The following LAMC1 variants were observed in gnomAD, a reference collection of about 807,000 sequenced individuals.
LAMC1 encodes the protein laminin subunit gamma 1.
Under a neutral mutation model 173.6 loss-of-function variants are expected in LAMC1, and 38 were observed. The observed-to-expected ratio is 0.22, with a 90% CI of 0.17 to 0.29. The LOEUF (loss-of-function observed/expected upper bound fraction) is 0.29, where lower values mean the gene tolerates loss of function less well. Among genes scored for constraint, LAMC1 ranks in the 10% least tolerant of loss-of-function variants. The pLI is 1.00. For missense variants in LAMC1, 1,824 were observed against 2,051.8 expected, an observed-to-expected ratio of 0.89 and a Z score of 2.14; for synonymous variants, 746 against 749.1, an observed-to-expected ratio of 1.00 and a Z score of 0.07.
intron 3 of LAMC1, 68 bp downstream of exon 3, chr1:183,108,474 T>C: frequency 7.1e-7 from 1 of 1,405,494 alleles, no homozygotes; most frequent in Non-Finnish European, 9.9e-7. Flanking sequence ...TCTAGCAACT[T>C]GTTTACAACT....
chr1:183,047,926 T>A (rs1654307427), intron 1 of LAMC1, among the ~76,000 whole-genome samples: 1 of 152,210 alleles, frequency 6.6e-6, no homozygotes, highest in Non-Finnish European at 1.5e-5. Context: ...AACCACCATG[T>A]ATATAAATAT....
chr1:183,102,023 C>G (rs1558048335), intron 1 of LAMC1, among the ~76,000 whole-genome samples: 1 of 152,312 alleles, frequency 6.6e-6, no homozygotes, highest in East Asian at 1.9e-4. Flanking sequence ...CCAGATCCAG[C>G]AGCAGGACAG....
chr1:183,064,845 A>G (rs533209353), intron 1 of LAMC1, among the ~76,000 whole-genome samples: 25 of 152,310 alleles, frequency 1.6e-4, no homozygotes, highest in Admixed American at 1.4e-3. Flanking sequence ...GTTTAGGGTC[A>G]TATGTGGCTG....
At chr1:183,101,722 G>A (rs145461903) in intron 1 of LAMC1, among the ~76,000 whole-genome samples, 1 of 152,114 alleles carries the variant, frequency 6.6e-6, no homozygotes, top group Non-Finnish European at 1.5e-5. Flanking sequence ...GGTTAGTAAA[G>A]GAGGGAGTCA....
chr1:183,070,756 G>C (rs1428036262), intron 1 of LAMC1, among the ~76,000 whole-genome samples: 5 of 151,958 alleles, frequency 3.3e-5, no homozygotes, highest in African/African-American at 1.2e-4. Context: ...GGAGTTCTCA[G>C]TTCCCCTTGT....
rs1397149176 is a variant in LAMC1 at position 183,143,827 on chromosome 1, C to T, written c.*1037C>T. The T allele has an allele frequency of 2.6e-5, 4 of 152,156 alleles. No individual in the cohort carries two copies. 9.4% of individuals were successfully genotyped at this position (152,156 alleles called of 1,614,324 possible). ...CTTGTACTGTCAGAATCCCGTGTATCCATTTGTTCTTCTGTTGGAGAGATG... is the reference window on the plus strand; with the variant it reads ...CTTGTACTGTCAGAATCCCGTGTATTCATTTGTTCTTCTGTTGGAGAGATG... On this transcript the variant is annotated 3_prime_UTR_variant, in exon 28 of 28. Transcript: ENST00000258341.
At chr1:183,067,622 G>A (rs1372454395) in intron 1 of LAMC1, among the ~76,000 whole-genome samples, 2 of 151,982 alleles carry the variant, frequency 1.3e-5, no homozygotes, top group African/African-American at 4.8e-5. Context: ...CTGAGTAGCT[G>A]GGACTACAAG....
chr1:183,050,468 G>A (rs747788151), intron 1 of LAMC1, among the ~76,000 whole-genome samples: 5 of 149,478 alleles, frequency 3.3e-5, no homozygotes, highest in Non-Finnish European at 5.9e-5. Context: ...ATTTTTAGTA[G>A]AGAAGGGGTT....
chr1:183,056,890 C>T (rs1478240550), intron 1 of LAMC1, among the ~76,000 whole-genome samples: 1 of 152,190 alleles, frequency 6.6e-6, no homozygotes, highest in African/African-American at 2.4e-5. Flanking sequence ...GTACTCTGCT[C>T]AGAAGGTGTA....
At position 183,140,269 on chromosome 1, in the gene LAMC1, A is replaced by G. The variant is rs1384425457; in HGVS notation, c.4474-135A>G. 1.1e-5 allele frequency: 5 copies of G among 462,716 alleles called. No individual in the cohort carries two copies. In the East Asian group the frequency reaches 1.2e-4, roughly 11 times the overall value. The allele number at this position is 462,716 out of a possible 1,614,324, so 28.7% of individuals were successfully genotyped here. ...CCAAAAAAAAAAAAAAAAAAAAGCA[A>G]TGAGAGGTTTCAATTTCCTAAGTTA... is the stretch of plus-strand genomic sequence containing the variant. On this transcript the variant is annotated intron_variant, in intron 26 of 27. Coordinates refer to ENST00000258341, the MANE Select transcript of LAMC1 (RefSeq NM_002293.4).
intron 1 of LAMC1, among the ~76,000 whole-genome samples, chr1:183,043,113 T>C (rs192090611): frequency 1.3e-5 from 2 of 152,324 alleles, no homozygotes; most frequent in Admixed American, 1.3e-4. Context: ...TGCGAGTTCA[T>C]TGAAGGCAGC....
intron 1 of LAMC1, among the ~76,000 whole-genome samples, chr1:183,027,865 G>C (rs1306398868): frequency 6.6e-6 from 1 of 152,098 alleles, no homozygotes; most frequent in African/African-American, 2.4e-5. Context: ...ACTATGTCAG[G>C]GAATAGCTCA....
chr1:183,091,505 C>T (rs1655565349), intron 1 of LAMC1, among the ~76,000 whole-genome samples: 1 of 152,084 alleles, frequency 6.6e-6, no homozygotes, highest in Non-Finnish European at 1.5e-5. Flanking sequence ...TCCTCTTCCT[C>T]CTTCCCCTCC....
intron 1 of LAMC1, among the ~76,000 whole-genome samples, chr1:183,091,511 C>G (rs1655565565): frequency 6.6e-6 from 1 of 152,052 alleles, no homozygotes; most frequent in Admixed American, 6.6e-5. Flanking sequence ...TCCTCCTTCC[C>G]CTCCCTCTCT....
At position 183,118,149 on chromosome 1, in the gene LAMC1, A is replaced by G. The variant is rs2102086107; in HGVS notation, c.1990+3A>G. On this transcript the variant is annotated splice_donor_region_variant and intron_variant, in intron 11 of 27. Coordinates refer to ENST00000258341, the MANE Select transcript of LAMC1 (RefSeq NM_002293.4). ...ACGTGGGACATACAGTGAGAGAAGT[A>G]AGTTATGATATAATTTAGGAGAGTT... The G allele has an allele frequency of 4.8e-6, 7 of 1,465,560 alleles. No homozygotes were observed. The highest frequency in any genetic ancestry group is 5.7e-6 in the Non-Finnish European group (6 of 1,047,522). The allele number at this position is 1,465,560 out of a possible 1,614,324, so 90.8% of individuals were successfully genotyped here.
intron 1 of LAMC1, among the ~76,000 whole-genome samples, chr1:183,037,066 G>A (rs998810250): frequency 2.6e-5 from 4 of 152,332 alleles, no homozygotes; most frequent in African/African-American, 4.8e-5. Flanking sequence ...GTGAGCCACC[G>A]CACCTGGCCC....
In LAMC1 at chr1:183,044,765, C is replaced by T. The variant is rs373790022; in HGVS notation, c.418+20631C>T. The stretch of plus-strand genomic sequence containing the variant: ...ACTGGAAAATAACTGAAACCAACCA[C>T]AAAATTGTTTCTTTTTAAGAAGCGT... On this transcript the variant is annotated intron_variant, in intron 1 of 27. Transcript: ENST00000258341. Among the ~76,000 whole-genome samples, 22 of 152,160 alleles carry T rather than the reference C, an allele frequency of 1.4e-4. No individual in the cohort carries two copies. In the South Asian group the frequency reaches 4.6e-3, roughly 32 times the overall value.
At chr1:183,028,158 C>A (rs966975878) in intron 1 of LAMC1, among the ~76,000 whole-genome samples, 2 of 151,822 alleles carry the variant, frequency 1.3e-5, no homozygotes, top group Non-Finnish European at 2.9e-5. Context: ...ATTCCTCCCC[C>A]CCCCCACCTC....
At chr1:183,042,809 C>T (rs1038163909) in intron 1 of LAMC1, among the ~76,000 whole-genome samples, 2 of 152,148 alleles carry the variant, frequency 1.3e-5, no homozygotes, top group African/African-American at 4.8e-5. Context: ...ACCCCCAGCC[C>T]TCTCCTGGCA....
Sources: gnomAD v4.1 joint callset for allele counts (sites outside exome capture counted in the v4.1 genomes callset) on GRCh38, gnomAD v4.1.1 for gene constraint, MANE v1.5 for transcripts, NCBI Gene and HGNC (gene_info 2026-07-23, HGNC 2026-07-21) for gene names.